The following ZC3H12B variants were observed in gnomAD, a reference collection of about 807,000 sequenced individuals.
The protein encoded by ZC3H12B is zinc finger CCCH-type containing 12B.
Under a neutral mutation model 43.9 loss-of-function variants are expected in ZC3H12B, and 7 were observed. The ratio of observed to expected loss-of-function variants is 0.16; its 90% CI spans 0.09 to 0.30. The LOEUF is 0.30. Ranked by LOEUF, ZC3H12B falls within the 10% of genes least tolerant of loss-of-function variation. The pLI, the probability that ZC3H12B is intolerant of heterozygous loss-of-function variation, is 1.00. For missense variants in ZC3H12B, 475 were observed against 670.2 expected, an observed-to-expected ratio of 0.71 and a Z score of 3.22; for synonymous variants, 222 against 241.7, an observed-to-expected ratio of 0.92 and a Z score of 0.76.
chrX:65,158,777 T>C, the ZC3H12B span, among the ~76,000 whole-genome samples: 6 of 112,122 alleles, frequency 5.4e-5, no homozygotes, highest in African/African-American at 1.9e-4. Context: ...TTTAGTTTAA[T>C]TAGATCCCAT....
chrX:65,259,591 C>G, the ZC3H12B span, among the ~76,000 whole-genome samples: 1 of 111,729 alleles, frequency 9.0e-6, no homozygotes, highest in Non-Finnish European at 1.9e-5. Flanking sequence ...GGCTTCTGCA[C>G]AGCAATGGAA....
the ZC3H12B span, among the ~76,000 whole-genome samples, chrX:65,309,706 A>G: frequency 6.2e-5 from 7 of 112,191 alleles, no homozygotes; most frequent in Non-Finnish European, 1.1e-4. Context: ...AGAATTGTAG[A>G]TGAATATCCC....
chrX:65,453,176 A>G (rs1395484681), intron 3 of ZC3H12B, among the ~76,000 whole-genome samples: 3 of 107,218 alleles, frequency 2.8e-5, no homozygotes, highest in Non-Finnish European at 5.8e-5. Flanking sequence ...ATGGAACAGA[A>G]TAGAGAACTC....
At chrX:65,499,765 G>T (rs1372863044) in intron 3 of ZC3H12B, 118 bp from the exon 9 acceptor site, 4 of 545,339 alleles carry the variant, frequency 7.3e-6, no homozygotes, top group Admixed American at 6.1e-5. Context: ...CTTGAGGCAG[G>T]AAGGGCAATT....
chrX:65,408,285 C>T, intron 3 of ZC3H12B: 7 of 1,171,108 alleles, frequency 6.0e-6, no homozygotes, highest in Non-Finnish European at 8.1e-6. Flanking sequence ...TACGAAATGC[C>T]ATATGGATTA....
the ZC3H12B span, among the ~76,000 whole-genome samples, chrX:65,309,426 C>T: frequency 2.1e-4 from 23 of 111,846 alleles, no homozygotes; most frequent in African/African-American, 6.5e-4. Context: ...GACACATACA[C>T]CCTCCCAAGA....
At chrX:65,244,727 CAAAAAA>C in the ZC3H12B span, among the ~76,000 whole-genome samples, 6 of 20,368 alleles carry the variant, frequency 2.9e-4, no homozygotes, top group African/African-American at 1.2e-3. Context: ...AATACCTTGC[CAAAAAA>C]AAAAAAAAAA....
exon 3 of ZC3H12B, chrX:65,499,136 G>C (rs1341730855): frequency 8.3e-7 from 1 of 1,211,304 alleles, no homozygotes; most frequent in Admixed American, 2.2e-5. Context: ...TGGCATCATT[G>C]TGTCCAATGA....
chrX:65,423,462 T>C (rs1276542441), intron 3 of ZC3H12B, among the ~76,000 whole-genome samples: 1 of 112,440 alleles, frequency 8.9e-6, no homozygotes, highest in African/African-American at 3.2e-5. Flanking sequence ...ATTGAGCTAA[T>C]TTACACATCC....
chrX:65,252,631 T>G, the ZC3H12B span, among the ~76,000 whole-genome samples: 208 of 111,821 alleles, frequency 1.9e-3, 3 homozygotes, highest in African/African-American at 6.4e-3. Context: ...TTGTCTCTAT[T>G]GTAGCCTTTC....
chrX:65,228,742 G>T, the ZC3H12B span, among the ~76,000 whole-genome samples: 1 of 111,577 alleles, frequency 9.0e-6, no homozygotes, highest in Non-Finnish European at 1.9e-5. Context: ...ACCAATAACA[G>T]ACAAACAGAG....
At chrX:65,489,490 T>C (rs1240139445) in intron 1 of ZC3H12B, 81 bp downstream of exon 6, 33 of 1,055,987 alleles carry the variant, frequency 3.1e-5, no homozygotes, top group Non-Finnish European at 3.6e-5. Context: ...CAAATCATTA[T>C]AAGAGGAGCA....
At chrX:65,361,660 C>A (rs758475188), upstream of ZC3H12B, among the ~76,000 whole-genome samples, 9 of 110,250 alleles carry the variant, frequency 8.2e-5, no homozygotes, top group Non-Finnish European at 1.7e-4. Flanking sequence ...TGGCAACAAC[C>A]CTTAGACACT....
chrX:65,294,191 G>A, the ZC3H12B span, among the ~76,000 whole-genome samples: 1 of 111,483 alleles, frequency 9.0e-6, no homozygotes, highest in African/African-American at 3.3e-5. Flanking sequence ...AAACATTGAG[G>A]TCCTATCTTT....
chrX:65,293,030 T>G, the ZC3H12B span, among the ~76,000 whole-genome samples: 1 of 112,252 alleles, frequency 8.9e-6, no homozygotes, highest in South Asian at 3.7e-4. Flanking sequence ...ATTCAAATAC[T>G]TTGACATGAA....
the ZC3H12B span, among the ~76,000 whole-genome samples, chrX:65,140,566 C>A: frequency 9.0e-6 from 1 of 111,289 alleles, no homozygotes; most frequent in Admixed American, 9.5e-5. Context: ...CTTTTCTATT[C>A]TTTTCTTCTG....
At chrX:65,320,949 A>T in the ZC3H12B span, among the ~76,000 whole-genome samples, 2 of 112,535 alleles carry the variant, frequency 1.8e-5, no homozygotes, top group Non-Finnish European at 3.8e-5. Context: ...AAAACTCTAG[A>T]AGACAACTTA....
chrX:65,310,606 A>G, the ZC3H12B span, among the ~76,000 whole-genome samples: 2 of 112,005 alleles, frequency 1.8e-5, no homozygotes, highest in Non-Finnish European at 3.8e-5. Context: ...TATCCCCATC[A>G]AGCTACCAAT....
At chrX:65,222,645 AATAAT>A in the ZC3H12B span, among the ~76,000 whole-genome samples, 293 of 104,203 alleles carry the variant, frequency 2.8e-3, 2 homozygotes, top group Middle Eastern at 0.02. Flanking sequence ...TAATAATAAT[AATAAT>A]AAAACACTTA....
Sources: allele counts gnomAD v4.1 joint callset (sites outside exome capture counted in the v4.1 genomes callset), GRCh38; gene constraint gnomAD v4.1.1; transcripts MANE v1.5; gene names NCBI Gene and HGNC (gene_info 2026-07-23, HGNC 2026-07-21).